Variants in ROCK2 observed in about 807,000 individuals in gnomAD.
ROCK2 encodes Rho associated coiled-coil containing protein kinase 2, also known as rho-associated protein kinase 2.
In ROCK2, 61 loss-of-function variants were observed where a neutral mutation model predicts 195.1. The ratio of observed to expected loss-of-function variants is 0.31; its 90% CI spans 0.25 to 0.39. The LOEUF (loss-of-function observed/expected upper bound fraction) is 0.39. ROCK2 is among the 10% of genes least tolerant of loss of function. The pLI is 1.00. For synonymous variants in ROCK2, 504 were observed against 545.5 expected (o/e 0.92, Z 1.06); for missense variants, 1,109 against 1,637.4 (o/e 0.68, Z 5.57).
At chr2:11,317,612 A>ATATATATATTTTT (rs59701503) in intron 1 of ROCK2, among the ~76,000 whole-genome samples, 2 of 19,312 alleles carry the variant, frequency 1.0e-4, no homozygotes, top group African/African-American at 3.2e-4. Flanking sequence ...ATATATATAT[A>ATATATATATTTTT]TTTTTTTTTT....
chr2:11,341,115 C>CT (rs1669093372), intron 1 of ROCK2, among the ~76,000 whole-genome samples: 1 of 151,922 alleles, frequency 6.6e-6, no homozygotes. Flanking sequence ...AAGCAAAACT[C>CT]TAAGTAATAC....
At chr2:11,283,582 A>AAAAGCAAGAAAGAAAG (rs1553311834) in intron 3 of ROCK2, among the ~76,000 whole-genome samples, 168 of 15,176 alleles carry the variant, frequency 0.011, no homozygotes, top group African/African-American at 0.017. Flanking sequence ...AAAAAAAAAA[A>AAAAGCAAGAAAGAAAG]AAAGCAAGAA....
chr2:11,256,793 G>C (rs940334492), intron 3 of ROCK2, among the ~76,000 whole-genome samples: 3 of 151,170 alleles, frequency 2.0e-5, no homozygotes, highest in Non-Finnish European at 2.9e-5. Context: ...TTCTAATTAC[G>C]TATGCATCTT....
chr2:11,338,911 CA>C (rs35796085), intron 1 of ROCK2, among the ~76,000 whole-genome samples: 47,073 of 131,254 alleles, frequency 0.36, 7,787 homozygotes, highest in East Asian at 0.61. Context: ...ATCTTTACTG[CA>C]AAAAAAAAAA....
chr2:11,212,119 A>G (rs984232758), intron 17 of ROCK2, among the ~76,000 whole-genome samples: 1 of 151,936 alleles, frequency 6.6e-6, no homozygotes, highest in Non-Finnish European at 1.5e-5. Context: ...CTCATTAAAC[A>G]CTGCCTACAC....
intron 3 of ROCK2, among the ~76,000 whole-genome samples, chr2:11,277,019 G>A (rs1666849531): frequency 6.6e-6 from 1 of 151,966 alleles, no homozygotes; most frequent in Non-Finnish European, 1.5e-5. Context: ...AAACCGAATA[G>A]GGTACACAAA....
intron 5 of ROCK2, among the ~76,000 whole-genome samples, chr2:11,227,892 A>G (rs886758096): frequency 1.3e-5 from 2 of 152,216 alleles, no homozygotes; most frequent in Non-Finnish European, 2.9e-5. Flanking sequence ...AAAAATGAAG[A>G]AATAGATCAA....
chr2:11,280,532 G>A (rs1169397824), intron 3 of ROCK2, among the ~76,000 whole-genome samples: 1 of 152,014 alleles, frequency 6.6e-6, no homozygotes, highest in Non-Finnish European at 1.5e-5. Context: ...TAGGAGGCTG[G>A]GGTGGGAGGA....
chr2:11,191,085 C>T (rs896477502), intron 32 of ROCK2, among the ~76,000 whole-genome samples: 1 of 152,104 alleles, frequency 6.6e-6, no homozygotes, highest in Non-Finnish European at 1.5e-5. Flanking sequence ...GACAATACAG[C>T]CAATGCTATC....
At chr2:11,186,650 T>A (rs191238800) in intron 32 of ROCK2, among the ~76,000 whole-genome samples, 74 of 152,264 alleles carry the variant, frequency 4.9e-4, no homozygotes, top group Non-Finnish European at 9.7e-4. Context: ...ACATGGAGCT[T>A]TTCAGTTGGG....
chr2:11,313,852 A>G (rs967244266), intron 1 of ROCK2, among the ~76,000 whole-genome samples: 10 of 151,922 alleles, frequency 6.6e-5, no homozygotes, highest in African/African-American at 2.4e-4. Context: ...CCTCTCAAAT[A>G]TTTAAACAAC....
At position 11,287,652 on chromosome 2, in the gene ROCK2, T is replaced by C; in HGVS notation, c.223+3A>G. On this transcript the variant is annotated splice_donor_region_variant and intron_variant, in intron 2 of 32. Transcript: ENST00000315872. ...ATCAAATATGAAGTTTAAACATACT[T>C]ACATCTATTTAAGAAATTATCTATG... is the stretch of plus-strand genomic sequence containing the variant. 2 of 988,386 alleles carry C rather than the reference T, an allele frequency of 2.0e-6. No individual in the cohort carries two copies. Among genetic ancestry groups the C allele is most frequent in the Non-Finnish European group, 2.9e-6 (2 of 696,836 alleles). The allele number at this position is 988,386 out of a possible 1,614,324, so 61.2% of individuals were successfully genotyped here.
chr2:11,198,881 TTC>T, intron 23 of ROCK2, 107 bp from the exon 24 acceptor site: 1 of 631,382 alleles, frequency 1.6e-6, no homozygotes, highest in Non-Finnish European at 2.5e-6. Context: ...CCTCTTATTT[TTC>T]TTTTTTTTTT....
intron 1 of ROCK2, among the ~76,000 whole-genome samples, chr2:11,294,864 ACCTCCACCTCCT>A (rs1388385310): frequency 4.0e-5 from 6 of 151,730 alleles, no homozygotes; most frequent in Non-Finnish European, 5.9e-5. Context: ...CGCAACCTCC[ACCTCCACCTCCT>A]CCTCCACCTC....
At position 11,235,066 on chromosome 2, in the gene ROCK2, C is replaced by A. The variant is rs186514770; in HGVS notation, c.723+636G>T. Among the ~76,000 whole-genome samples the A allele has an allele frequency of 5.0e-3, 761 of 152,212 alleles. 4 individuals are homozygous for A. The highest frequency in any genetic ancestry group is 0.018 in the African/African-American group (745 of 41,528). ...GTAATACAAAGGAAACAGAACCGAT[C>A]CCTCTCCATCAAGAATTACTTACTG... On this transcript the variant is annotated intron_variant, in intron 5 of 32. Transcript: ENST00000315872. The surrounding 1 kb of genome is among the most constrained non-coding windows in gnomAD (Gnocchi z 4.2).
At chr2:11,223,956 G>A (rs1045273441) in intron 7 of ROCK2, among the ~76,000 whole-genome samples, 6 of 152,008 alleles carry the variant, frequency 3.9e-5, no homozygotes, top group African/African-American at 1.2e-4. Flanking sequence ...AACCTGTTGA[G>A]TATTTATCTA....
At chr2:11,303,645 C>T (rs766301935) in intron 1 of ROCK2, among the ~76,000 whole-genome samples, 13 of 152,202 alleles carry the variant, frequency 8.5e-5, no homozygotes, top group African/African-American at 2.7e-4. Context: ...ACCTCCCATA[C>T]AGCTGCCATT....
At chr2:11,215,184 A>T (rs1664383777) in intron 15 of ROCK2, 98 bp from the exon 16 acceptor site, 1 of 1,505,658 alleles carries the variant, frequency 6.6e-7, no homozygotes, top group African/African-American at 1.4e-5. Context: ...ATTTAAAATA[A>T]ACAAAAACCT....
chr2:11,343,459 A>C (rs1285665209), intron 1 of ROCK2, among the ~76,000 whole-genome samples: 1 of 152,224 alleles, frequency 6.6e-6, no homozygotes, highest in Non-Finnish European at 1.5e-5. Flanking sequence ...AATGCACTAA[A>C]TAGCAAGTAT....
Sources: allele counts gnomAD v4.1 joint callset (sites outside exome capture counted in the v4.1 genomes callset), GRCh38; gene constraint gnomAD v4.1.1; non-coding constraint Gnocchi (gnomAD v3.1); transcripts MANE v1.5; gene names NCBI Gene and HGNC (gene_info 2026-07-23, HGNC 2026-07-21).